GP2: variants seen among roughly 807,000 people sequenced by gnomAD.
GP2 encodes pancreatic secretory granule membrane major glycoprotein GP2.
A neutral mutation model predicts 60.8 loss-of-function variants in GP2; 58 were observed. The ratio of observed to expected loss-of-function variants is 0.95; its 90% CI spans 0.77 to 1.19. The LOEUF (loss-of-function observed/expected upper bound fraction) is 1.19, where lower values mean the gene tolerates loss of function less well. Among genes scored for constraint, GP2 ranks in the 50% most tolerant of loss-of-function variants. The probability of loss-of-function intolerance (pLI) is 0.00; values close to 1 mark genes in which losing one functional copy is unlikely to be tolerated. For synonymous variants in GP2, 280 were observed against 253.4 expected (o/e 1.10, Z -1.00); for missense variants, 647 against 667.4 (o/e 0.97, Z 0.34).
At chr16:20,317,410 A>T in intron 7 of GP2, 35 bp from the exon 8 acceptor site, 2 of 1,563,454 alleles carry the variant, frequency 1.3e-6, no homozygotes, top group South Asian at 2.3e-5. Flanking sequence ...TGTAACTTCT[A>T]AAAACAGCAG....
In GP2 at chr16:20,310,638, T is replaced by G. The variant is rs1270252283; in HGVS notation, c.*585A>C. 1.3e-5 allele frequency: 2 copies of G among 152,364 alleles called. No individual in the cohort carries two copies. Among genetic ancestry groups the G allele is most frequent in the African/African-American group, 2.4e-5 (1 of 41,352 alleles). The allele number at this position is 152,364 out of a possible 1,614,324, so 9.4% of individuals were successfully genotyped here. A position where few individuals can be genotyped will look rare whatever the true frequency, so the allele number is the denominator to read the frequency against. On this transcript the variant is annotated 3_prime_UTR_variant, in exon 11 of 11. Coordinates refer to ENST00000302555, the MANE Select transcript of GP2 (RefSeq NM_001502.4). ...TGAAGTTAAAAACATGCACCACACTTCCGGTAAAGGCTGGAGCCACAGAGG... is the reference window on the plus strand; with the variant it reads ...TGAAGTTAAAAACATGCACCACACTGCCGGTAAAGGCTGGAGCCACAGAGG...
chr16:20,317,819 T>A (rs1353098797), intron 7 of GP2, among the ~76,000 whole-genome samples: 1 of 152,166 alleles, frequency 6.6e-6, no homozygotes, highest in Non-Finnish European at 1.5e-5. Context: ...TTTTCCCTTG[T>A]TTTTGTCAGC....
Position 20,323,064 on chromosome 16 carries a change from C to A in GP2, c.536-85G>T. 9 of 725,458 alleles carry A rather than the reference C, an allele frequency of 1.2e-5. No individual in the cohort carries two copies. The South Asian group carries it at 1.5e-4, about 12-fold the overall frequency. The allele number at this position is 725,458 out of a possible 1,614,324, so 44.9% of individuals were successfully genotyped here. On this transcript the variant is annotated intron_variant, in intron 3 of 10. Coordinates refer to ENST00000302555, the MANE Select transcript of GP2 (RefSeq NM_001502.4). Reference sequence around the variant, plus strand: ...CCCAAGTCCAACCCTTTCATTTCACCGGGGCACAAGAATCTTGCCAAGGTT... The same window carrying A: ...CCCAAGTCCAACCCTTTCATTTCACAGGGGCACAAGAATCTTGCCAAGGTT...
chr16:20,323,656 A>T, intron 3 of GP2, 160 bp downstream of exon 3: 1 of 612,930 alleles, frequency 1.6e-6, no homozygotes, highest in Non-Finnish European at 2.9e-6. Flanking sequence ...AAATGTTGGA[A>T]GGTCTCAACC....
chr16:20,314,686 C>T lies in GP2; in HGVS notation c.1517G>A (p.Gly506Asp), dbSNP rs1964103220. The change falls in exon 10 of 11, where the codon GGT (glycine) becomes GAT (aspartate). Residue 506 changes from glycine to aspartate, a missense_variant. By Grantham distance (94) the Gly-to-Asp change is moderately conservative. Coordinates refer to ENST00000302555, the MANE Select transcript of GP2 (RefSeq NM_001502.4). ...PITRRGAQSP[G>D]VMNGTPSTAG... ...AGTGCTAGGGGTTCCATTCATGACA[C>T]CGGGAGACTGTGCACCTGTGAACAA... is the stretch of plus-strand genomic sequence containing the variant. The T allele has an allele frequency of 6.2e-7, 1 of 1,606,800 alleles. No homozygotes were observed. The highest frequency in any genetic ancestry group is 8.5e-7 in the Non-Finnish European group (1 of 1,173,344).
intron 2 of GP2, 128 bp downstream of exon 2, chr16:20,326,210 C>G: frequency 1.4e-6 from 1 of 705,466 alleles, no homozygotes; most frequent in East Asian, 2.7e-5. Context: ...CCCTTGACTT[C>G]TAGCTCTGAG....
Position 20,317,194 on chromosome 16 carries a change from A to G in GP2, c.1416+19T>C. The G allele has an allele frequency of 1.9e-6, 3 of 1,574,922 alleles. No homozygotes were observed. Among genetic ancestry groups the G allele is most frequent in the South Asian group, 2.2e-5 (2 of 89,224 alleles). ...CTCCATGCCAGGCTCTGAAGAGTTC[A>G]GTTCAAAGAGACACTCACAGGCTGG... On this transcript the variant is annotated intron_variant, in intron 8 of 10. Transcript: ENST00000302555.
rs189295111 is a variant in GP2 at position 20,327,509 on chromosome 16, G to A, written c.-79C>T. ...AGCGTTCCTCCTCTGGCCAGCCATG[G>A]GAATGCAGCCTGCTGTGGGCCGTCT... On this transcript the variant is annotated 5_prime_UTR_variant, in exon 1 of 11. Coordinates refer to ENST00000302555, the MANE Select transcript of GP2 (RefSeq NM_001502.4). 3.9e-6 allele frequency: 5 copies of A among 1,288,852 alleles called. No homozygotes were observed. The East Asian group carries it at 1.7e-4, about 43-fold the overall frequency. 79.8% of individuals were successfully genotyped at this position (1,288,852 alleles called of 1,614,324 possible). A position where few individuals can be genotyped will look rare whatever the true frequency, so the allele number is the denominator to read the frequency against.
At chr16:20,322,653 C>T (rs974275562) in intron 4 of GP2, among the ~76,000 whole-genome samples, 4 of 152,144 alleles carry the variant, frequency 2.6e-5, no homozygotes, top group Middle Eastern at 3.2e-3. Context: ...CCTGAGGCCA[C>T]GGCCCAGCAG....
At chr16:20,320,568 T>A (rs1964327009) in intron 4 of GP2, 95 bp from the exon 5 acceptor site, 2 of 821,990 alleles carry the variant, frequency 2.4e-6, no homozygotes, top group Non-Finnish European at 4.0e-6. Context: ...CAGAAGATTA[T>A]GTAGACTAGA....
chr16:20,318,333 C>G lies in GP2; in HGVS notation c.1105G>C (p.Val369Leu). 1 of 1,613,730 alleles carries G rather than the reference C, an allele frequency of 6.2e-7. No individual in the cohort carries two copies. The highest frequency in any genetic ancestry group is 8.5e-7 in the Non-Finnish European group (1 of 1,179,598). The change falls in exon 7 of 11, where the codon GTT (valine) becomes CTT (leucine). Residue 369 changes from valine (V) to leucine (L), a missense_variant. Val to Leu is a conservative substitution (Grantham distance 32). Coordinates refer to ENST00000302555, the MANE Select transcript of GP2 (RefSeq NM_001502.4). ...AGCACGGACTCAACAGACAGTTCAA[C>G]TGCATCCCCTTCGTAAGGATTCGTG... ...NYTNPYEGDA[V>L]ELSVESVLYV...
In GP2 at chr16:20,314,719, A is replaced by C. The variant is rs921429669; in HGVS notation, c.1502-18T>G. On this transcript the variant is annotated intron_variant, in intron 9 of 10. Transcript: ENST00000302555. Reference sequence around the variant, plus strand: ...CTGTGCACCTGTGAACAAGAACAGAAGGGGTGGGTTTCCTCAGTCATGCTC... The same window carrying C: ...CTGTGCACCTGTGAACAAGAACAGACGGGGTGGGTTTCCTCAGTCATGCTC... 36 of 1,583,660 alleles carry C rather than the reference A, an allele frequency of 2.3e-5. No homozygotes were observed. The highest frequency in any genetic ancestry group is 5.4e-5 in the African/African-American group (4 of 74,252).
intron 9 of GP2, among the ~76,000 whole-genome samples, chr16:20,315,164 G>T (rs1964122778): frequency 1.3e-5 from 2 of 152,156 alleles, no homozygotes; most frequent in South Asian, 2.1e-4. Context: ...GCCTCCATTT[G>T]CTCTGGAGAA....
intron 4 of GP2, among the ~76,000 whole-genome samples, chr16:20,321,824 T>C (rs574671454): frequency 6.6e-6 from 1 of 152,296 alleles, no homozygotes; most frequent in African/African-American, 2.4e-5. Context: ...ACACTCATCA[T>C]TGTGCTGGCC....
At position 20,309,802 on chromosome 16, in the gene GP2, C is replaced by A. The variant is rs1005870081; in HGVS notation, c.*1421G>T. On this transcript the variant is annotated 3_prime_UTR_variant, in exon 11 of 11. Coordinates refer to ENST00000302555, the MANE Select transcript of GP2 (RefSeq NM_001502.4). ...GTATCTCTTGCACTGGAACTTTGTG[C>A]TCTTATGTCCTTATAATTAACTCCC... 26 of 152,234 alleles carry A rather than the reference C, an allele frequency of 1.7e-4. No homozygotes were observed. The highest frequency in any genetic ancestry group is 6.3e-4 in the African/African-American group (26 of 41,536). The allele number at this position is 152,234 out of a possible 1,614,324, so 9.4% of individuals were successfully genotyped here.
intron 4 of GP2, among the ~76,000 whole-genome samples, chr16:20,321,582 A>ACC (rs1964358157): frequency 6.6e-6 from 1 of 152,224 alleles, no homozygotes; most frequent in Non-Finnish European, 1.5e-5. Flanking sequence ...GTGGTATGAA[A>ACC]TTTGAAACGT....
At chr16:20,321,043 C>G (rs983221615) in intron 4 of GP2, among the ~76,000 whole-genome samples, 15 of 148,394 alleles carry the variant, frequency 1.0e-4, no homozygotes, top group Admixed American at 2.0e-4. Context: ...ATCTCTCTCT[C>G]TGTCTCTCTT....
chr16:20,311,904 G>C (rs893296005), intron 10 of GP2, among the ~76,000 whole-genome samples: 1 of 151,926 alleles, frequency 6.6e-6, no homozygotes, highest in African/African-American at 2.4e-5. Flanking sequence ...TCTGATGCCT[G>C]ATTACTTAGC....
At position 20,310,145 on chromosome 16, in the gene GP2, C is replaced by A. The variant is rs12444232; in HGVS notation, c.*1078G>T. Reference sequence around the variant, plus strand: ...TAAAGGTCTCCAGAAAGGGACTTCACCCATCTCCTAGGCTTTGCAGTTTCA... The same window carrying A: ...TAAAGGTCTCCAGAAAGGGACTTCAACCATCTCCTAGGCTTTGCAGTTTCA... On this transcript the variant is annotated 3_prime_UTR_variant, in exon 11 of 11. Coordinates refer to ENST00000302555, the MANE Select transcript of GP2 (RefSeq NM_001502.4). The A allele has an allele frequency of 0.078, 11,902 of 152,280 alleles. 1,643 individuals carry two copies. Among genetic ancestry groups the A allele is most frequent in the East Asian group, 0.69 (3,552 of 5,158 alleles). 9.4% of individuals were successfully genotyped at this position (152,280 alleles called of 1,614,324 possible). A position where few individuals can be genotyped will look rare whatever the true frequency, so the allele number is the denominator to read the frequency against.
Sources: gnomAD v4.1 joint callset for allele counts (sites outside exome capture counted in the v4.1 genomes callset) on GRCh38, gnomAD v4.1.1 for gene constraint, MANE v1.5 for transcripts, NCBI Gene and HGNC (gene_info 2026-07-23, HGNC 2026-07-21) for gene names.